Variants in CACNA2D3 observed in about 807,000 individuals in gnomAD.
The protein encoded by CACNA2D3 is voltage-dependent calcium channel subunit alpha-2/delta-3.
In CACNA2D3, 60 loss-of-function variants were observed where a neutral mutation model predicts 160.6. The ratio of observed to expected loss-of-function variants is 0.37; its 90% CI spans 0.30 to 0.46. CACNA2D3 has a LOEUF of 0.46. Among genes scored for constraint, CACNA2D3 ranks in the 20% least tolerant of loss-of-function variants. The probability of loss-of-function intolerance (pLI) is 1.00; values close to 1 mark genes in which losing one functional copy is unlikely to be tolerated. For synonymous variants in CACNA2D3, 558 were observed against 492.9 expected, an observed-to-expected ratio of 1.13 and a Z score of -1.75; for missense variants, 1,205 against 1,365.0, an observed-to-expected ratio of 0.88 and a Z score of 1.85.
At chr3:54,526,951 G>A (rs923484466) in intron 5 of CACNA2D3, among the ~76,000 whole-genome samples, 4 of 152,238 alleles carry the variant, frequency 2.6e-5, no homozygotes, top group African/African-American at 4.8e-5. Flanking sequence ...TCAGCCTCCC[G>A]AAGTGCTGGG....
intron 2 of CACNA2D3, among the ~76,000 whole-genome samples, chr3:54,301,073 A>G (rs1364156588): frequency 6.6e-6 from 1 of 151,890 alleles, no homozygotes; most frequent in Non-Finnish European, 1.5e-5. Context: ...TGGGCGACAT[A>G]GTGAGATCTT....
chr3:54,465,823 G>A (rs1700613576), intron 4 of CACNA2D3, among the ~76,000 whole-genome samples: 3 of 152,172 alleles, frequency 2.0e-5, no homozygotes, highest in African/African-American at 7.2e-5. Context: ...GTCTGGGTGG[G>A]CTTGGCTGAT....
chr3:54,861,045 C>G (rs1338845970), intron 17 of CACNA2D3, among the ~76,000 whole-genome samples: 1 of 152,192 alleles, frequency 6.6e-6, no homozygotes, highest in Admixed American at 6.5e-5. Flanking sequence ...CTTTGCCAGG[C>G]ACTGTCCTAG....
intron 35 of CACNA2D3, among the ~76,000 whole-genome samples, chr3:55,066,110 G>A (rs1189395547): frequency 2.0e-5 from 3 of 152,104 alleles, no homozygotes; most frequent in Admixed American, 2.0e-4. Context: ...AGGGAAACCT[G>A]GTGCTTGCTG....
chr3:54,770,689 C>G (rs1311283579), intron 13 of CACNA2D3, among the ~76,000 whole-genome samples: 2 of 152,140 alleles, frequency 1.3e-5, no homozygotes. Context: ...TTCTGGTGCA[C>G]GAAGCATATG....
At chr3:54,706,264 C>T (rs764231577) in intron 11 of CACNA2D3, among the ~76,000 whole-genome samples, 8 of 152,202 alleles carry the variant, frequency 5.3e-5, no homozygotes, top group South Asian at 2.1e-4. Context: ...ATCCTGTTCT[C>T]TTCTGGGGAT....
intron 2 of CACNA2D3, among the ~76,000 whole-genome samples, chr3:54,164,777 C>T (rs1700418160): frequency 6.6e-6 from 1 of 152,162 alleles, no homozygotes; most frequent in Admixed American, 6.5e-5. Context: ...GTGGCATATA[C>T]AGTACTGCAC....
intron 27 of CACNA2D3, among the ~76,000 whole-genome samples, chr3:54,948,699 A>C (rs1471446828): frequency 1.3e-5 from 2 of 152,212 alleles, no homozygotes; most frequent in African/African-American, 2.4e-5. Context: ...TTTGCCTTTC[A>C]TGCCCATGCT....
intron 2 of CACNA2D3, among the ~76,000 whole-genome samples, chr3:54,150,877 C>G (rs1332726060): frequency 6.7e-6 from 1 of 150,232 alleles, no homozygotes; most frequent in South Asian, 2.1e-4. Context: ...GAGAAAGGGA[C>G]AGAGAGGTGA....
Position 54,915,456 on chromosome 3 carries a change from C to A in CACNA2D3, c.2449+15588C>A, listed in dbSNP as rs555128255. Among the ~76,000 whole-genome samples the A allele has an allele frequency of 1.8e-4, 27 of 152,288 alleles. No homozygotes were observed. In the South Asian group the frequency reaches 5.6e-3, roughly 32 times the overall value. On this transcript the variant is annotated intron_variant, in intron 27 of 37. Transcript: ENST00000474759. ...AAACGTGATTTTTGTCCACAGTGTA[C>A]CCTCAGCAAGGCTTCTATGACAGAA... is the stretch of plus-strand genomic sequence containing the variant.
chr3:54,471,133 A>C (rs1425064934), intron 4 of CACNA2D3, among the ~76,000 whole-genome samples: 3 of 152,204 alleles, frequency 2.0e-5, no homozygotes, highest in Admixed American at 6.5e-5. Flanking sequence ...CATCACACTT[A>C]TTCTAAAATT....
intron 2 of CACNA2D3, among the ~76,000 whole-genome samples, chr3:54,163,749 A>G (rs1267763826): frequency 2.0e-5 from 3 of 152,204 alleles, no homozygotes; most frequent in Admixed American, 2.0e-4. Flanking sequence ...AGCTGCAAGG[A>G]CAGTGAGGAG....
chr3:54,319,831 A>G (rs751780342), intron 2 of CACNA2D3, among the ~76,000 whole-genome samples: 5 of 152,272 alleles, frequency 3.3e-5, no homozygotes, highest in Admixed American at 2.6e-4. Flanking sequence ...GAAAATAACA[A>G]TACTTTCCAG....
chr3:54,757,405 A>G (rs577320105), intron 12 of CACNA2D3, among the ~76,000 whole-genome samples: 2 of 152,280 alleles, frequency 1.3e-5, no homozygotes, highest in East Asian at 3.9e-4. Context: ...TCTTTTTTCA[A>G]TAAAAAGATT....
chr3:54,840,969 G>A (rs1344722265), intron 16 of CACNA2D3, among the ~76,000 whole-genome samples: 4 of 151,886 alleles, frequency 2.6e-5, no homozygotes, highest in South Asian at 4.2e-4. Flanking sequence ...TGATCCACCC[G>A]CCTCAGCCTC....
chr3:54,791,840 G>A (rs915343185), intron 13 of CACNA2D3, among the ~76,000 whole-genome samples: 6 of 152,254 alleles, frequency 3.9e-5, no homozygotes, highest in African/African-American at 1.4e-4. Flanking sequence ...TACTCTGATG[G>A]ATAGTCAGTA....
At chr3:54,468,329 G>A (rs966409230) in intron 4 of CACNA2D3, among the ~76,000 whole-genome samples, 1 of 152,210 alleles carries the variant, frequency 6.6e-6, no homozygotes, top group African/African-American at 2.4e-5. Flanking sequence ...AGTGCAAGGG[G>A]TTGGGGAGCT....
At chr3:54,584,101 A>C (rs1270756663) in intron 9 of CACNA2D3, among the ~76,000 whole-genome samples, 4 of 152,126 alleles carry the variant, frequency 2.6e-5, no homozygotes, top group Non-Finnish European at 5.9e-5. Context: ...ACCGAGAATG[A>C]CTGCTAAGAG....
At chr3:54,810,948 T>A (rs2106699386) in intron 13 of CACNA2D3, among the ~76,000 whole-genome samples, 1 of 152,352 alleles carries the variant, frequency 6.6e-6, no homozygotes, top group Middle Eastern at 3.4e-3. Flanking sequence ...ATCTCCTTTG[T>A]GCCTCACCTA....
Sources: gnomAD v4.1 joint callset for allele counts (sites outside exome capture counted in the v4.1 genomes callset) on GRCh38, gnomAD v4.1.1 for gene constraint, MANE v1.5 for transcripts, NCBI Gene and HGNC (gene_info 2026-07-23, HGNC 2026-07-21) for gene names.